ADAMTS18: variants seen among roughly 807,000 people sequenced by gnomAD.
ADAMTS18 encodes ADAM metallopeptidase with thrombospondin type 1 motif 18, also known as A disintegrin and metalloproteinase with thrombospondin motifs 18.
ADAMTS18 carries 157 observed loss-of-function variants against 165.9 expected under a neutral mutation model. The observed-to-expected ratio is 0.95, with a 90% CI of 0.83 to 1.08. ADAMTS18 has a LOEUF of 1.08. ADAMTS18 is among the 50% of genes least tolerant of loss of function. The pLI is 0.00. For missense variants in ADAMTS18, 2,040 were observed against 1,534.0 expected (o/e 1.33, Z -5.51); for synonymous variants, 782 against 578.2 (o/e 1.35, Z -5.06).
intron 3 of ADAMTS18, among the ~76,000 whole-genome samples, chr16:77,424,928 GC>G (rs1295572558): frequency 6.6e-6 from 1 of 152,122 alleles, no homozygotes; most frequent in Non-Finnish European, 1.5e-5. Flanking sequence ...GTTTCTTTCT[GC>G]CCGCCATGGA....
At chr16:77,365,033 C>T (rs2056773009) in intron 4 of ADAMTS18, among the ~76,000 whole-genome samples, 1 of 152,010 alleles carries the variant, frequency 6.6e-6, no homozygotes. Context: ...TTGAACCCAG[C>T]AGGCAGAAGT....
intron 16 of ADAMTS18, among the ~76,000 whole-genome samples, chr16:77,311,756 C>G (rs935758184): frequency 6.8e-6 from 1 of 147,728 alleles, no homozygotes; most frequent in Non-Finnish European, 1.5e-5. Flanking sequence ...AACCATAACT[C>G]CTTTAAAAAT....
chr16:77,335,799 C>G lies in ADAMTS18; in HGVS notation c.1816G>C (p.Gly606Arg), dbSNP rs972008475. Reference protein sequence around the residue: ...SKWSECSRTCGGGVKFQERHC... With the variant: ...SKWSECSRTCRGGVKFQERHC... The stretch of plus-strand genomic sequence containing the variant: ...CTCTCCTGGAACTTGACTCCTCCAC[C>G]ACATGTCCGGGAACATTCTGACCAC... The change falls in exon 12 of 23, where the codon GGT (glycine) becomes CGT (arginine). Residue 606 changes from glycine to arginine, a missense_variant. By Grantham distance (125) the Gly-to-Arg change is moderately radical. Transcript: ENST00000282849. 14 of 1,614,218 alleles carry G rather than the reference C, an allele frequency of 8.7e-6. No homozygotes were observed. Among genetic ancestry groups the G allele is most frequent in the African/African-American group, 1.3e-5 (1 of 75,060 alleles).
At chr16:77,385,855 G>A (rs2057099995) in intron 3 of ADAMTS18, among the ~76,000 whole-genome samples, 1 of 152,042 alleles carries the variant, frequency 6.6e-6, no homozygotes, top group African/African-American at 2.4e-5. Flanking sequence ...CTCACCCCCT[G>A]CCTTGAGGTA....
chr16:77,434,370 C>A lies in ADAMTS18; in HGVS notation c.178+48G>T. ...TTCTCTCTTTGGGGGAAGGAAGGGT[C>A]AAAGTGCTGCGAAAGGCCCTTCTTG... On this transcript the variant is annotated intron_variant, in intron 2 of 22. Coordinates refer to ENST00000282849, the MANE Select transcript of ADAMTS18 (RefSeq NM_199355.4). The A allele has an allele frequency of 2.6e-6, 4 of 1,538,248 alleles. No individual in the cohort carries two copies. The South Asian group carries it at 4.7e-5, about 18-fold the overall frequency.
At chr16:77,344,815 G>A (rs1012542557) in intron 10 of ADAMTS18, among the ~76,000 whole-genome samples, 1 of 152,040 alleles carries the variant, frequency 6.6e-6, no homozygotes, top group Admixed American at 6.5e-5. Flanking sequence ...TTCTGCGGTG[G>A]AGTACAGAAG....
chr16:77,383,399 C>T (rs2057060381), intron 3 of ADAMTS18, among the ~76,000 whole-genome samples: 1 of 152,016 alleles, frequency 6.6e-6, no homozygotes, highest in Non-Finnish European at 1.5e-5. Flanking sequence ...AACTGAATTC[C>T]AGCTACATTC....
At chr16:77,328,964 C>G (rs2056141697) in intron 12 of ADAMTS18, among the ~76,000 whole-genome samples, 1 of 152,210 alleles carries the variant, frequency 6.6e-6, no homozygotes, top group African/African-American at 2.4e-5. Context: ...CCTGTGGACT[C>G]AGTCCAGGAT....
At chr16:77,340,364 A>C (rs2056379913) in intron 11 of ADAMTS18, among the ~76,000 whole-genome samples, 1 of 151,932 alleles carries the variant, frequency 6.6e-6, no homozygotes, top group Non-Finnish European at 1.5e-5. Flanking sequence ...TAGTAGTCCC[A>C]AGGTTTCACC....
intron 3 of ADAMTS18, among the ~76,000 whole-genome samples, chr16:77,406,507 CAAAT>C (rs755043515): frequency 8.6e-5 from 13 of 151,950 alleles, no homozygotes; most frequent in South Asian, 2.1e-4. Flanking sequence ...AATAAATAAA[CAAAT>C]AAATCCATGA....
At chr16:77,307,481 C>T (rs1021566400) in intron 16 of ADAMTS18, among the ~76,000 whole-genome samples, 1 of 152,180 alleles carries the variant, frequency 6.6e-6, no homozygotes, top group African/African-American at 2.4e-5. Context: ...CACATTGAAC[C>T]TTGACTACAG....
chr16:77,360,389 A>G (rs2056695188), intron 7 of ADAMTS18, among the ~76,000 whole-genome samples: 1 of 152,226 alleles, frequency 6.6e-6, no homozygotes. Flanking sequence ...CATAAATTCT[A>G]CACTCAGGAA....
intron 12 of ADAMTS18, among the ~76,000 whole-genome samples, chr16:77,333,242 T>C (rs1253501670): frequency 6.6e-6 from 1 of 152,062 alleles, no homozygotes; most frequent in Non-Finnish European, 1.5e-5. Flanking sequence ...TGGTTGATTG[T>C]TACTAACCGG....
rs374647560 is a variant in ADAMTS18 at position 77,291,427 on chromosome 16, C to T, written c.3241G>A (p.Glu1081Lys). Residue 1081 changes from glutamate (E) to lysine (K), a missense_variant, in exon 21 of 23, where the codon GAG becomes AAG. Glu to Lys is a moderately conservative substitution (Grantham distance 56). Transcript: ENST00000282849. ...ATCAGCTTTCCCTGGAAGCCCTTCT[C>T]GCTGCACTTCATCTCCCTCTTCCTC... is the stretch of plus-strand genomic sequence containing the variant. ...GVRKREMKCS[E>K]KGFQGKLITF... 8.8e-5 allele frequency: 142 copies of T among 1,614,088 alleles called. No individual in the cohort carries two copies. The Middle Eastern group carries it at 9.9e-4, about 11-fold the overall frequency.
intron 20 of ADAMTS18, 64 bp downstream of exon 20, chr16:77,293,012 G>T (rs1458735706): frequency 2.5e-6 from 4 of 1,601,330 alleles, no homozygotes; most frequent in African/African-American, 1.3e-5. Flanking sequence ...GTAGAGACAG[G>T]GTTTCACTGT....
At chr16:77,389,375 T>A (rs1176639200) in intron 3 of ADAMTS18, among the ~76,000 whole-genome samples, 1 of 152,092 alleles carries the variant, frequency 6.6e-6, no homozygotes, top group Admixed American at 6.5e-5. Flanking sequence ...ATAGCTTAAG[T>A]GAGGGGGTAG....
chr16:77,358,524 T>C (rs1267493006), intron 8 of ADAMTS18, among the ~76,000 whole-genome samples: 11 of 152,122 alleles, frequency 7.2e-5, no homozygotes, highest in Admixed American at 3.3e-4. Context: ...ATCGTGCCAC[T>C]GCACTCCAGC....
At chr16:77,327,381 C>T (rs1352016750) in intron 12 of ADAMTS18, among the ~76,000 whole-genome samples, 1 of 152,130 alleles carries the variant, frequency 6.6e-6, no homozygotes, top group Non-Finnish European at 1.5e-5. Context: ...CATTCTTATG[C>T]CTTTGCATCC....
At chr16:77,284,930 A>T (rs896549055) in intron 22 of ADAMTS18, among the ~76,000 whole-genome samples, 4 of 152,020 alleles carry the variant, frequency 2.6e-5, no homozygotes, top group Admixed American at 6.6e-5. Context: ...GTTGAGATTA[A>T]CTGAAAAAGC....
Sources: allele counts gnomAD v4.1 joint callset (sites outside exome capture counted in the v4.1 genomes callset), GRCh38; gene constraint gnomAD v4.1.1; transcripts MANE v1.5; gene names NCBI Gene and HGNC (gene_info 2026-07-23, HGNC 2026-07-21).